The following UBE2E2 variants were observed in gnomAD, a reference collection of about 807,000 sequenced individuals.
UBE2E2 encodes the protein ubiquitin-conjugating enzyme E2 E2.
UBE2E2 carries 6 observed loss-of-function variants against 24.7 expected under a neutral mutation model. The ratio of observed to expected loss-of-function variants is 0.24; its 90% CI spans 0.13 to 0.48. The LOEUF (loss-of-function observed/expected upper bound fraction) is 0.48, where lower values mean the gene tolerates loss of function less well. Ranked by LOEUF, UBE2E2 falls within the 20% of genes least tolerant of loss-of-function variation. The pLI, the probability that UBE2E2 is intolerant of heterozygous loss-of-function variation, is 0.99. For missense variants in UBE2E2, 169 were observed against 245.0 expected (o/e 0.69, Z 2.07); for synonymous variants, 104 against 83.6 (o/e 1.24, Z -1.33).
chr3:23,421,186 CTG>C (rs1575618105), intron 3 of UBE2E2, among the ~76,000 whole-genome samples: 1 of 152,170 alleles, frequency 6.6e-6, no homozygotes, highest in East Asian at 1.9e-4. Context: ...ATCTGAGAAT[CTG>C]TAATTGAATT....
At chr3:23,203,904 C>T (rs1489340588) in intron 1 of UBE2E2, among the ~76,000 whole-genome samples, 1 of 152,106 alleles carries the variant, frequency 6.6e-6, no homozygotes, top group Non-Finnish European at 1.5e-5. Context: ...TGGTGTGTCT[C>T]CTGGCGAGTG....
intron 4 of UBE2E2, among the ~76,000 whole-genome samples, chr3:23,523,617 G>C (rs74415038): frequency 6.6e-6 from 1 of 150,788 alleles, no homozygotes; most frequent in Non-Finnish European, 1.5e-5. Flanking sequence ...CCTATGGGGT[G>C]GGGGGCTGGG....
At position 23,536,771 on chromosome 3, in the gene UBE2E2, T is replaced by C. The variant is rs1041952120; in HGVS notation, c.508+4070T>C. ...AGATACTGAGATTGACCATTATAAC[T>C]GTTGAATCTGAGTGATGAGTATACA... On this transcript the variant is annotated intron_variant, in intron 5 of 5. Coordinates refer to ENST00000396703, the MANE Select transcript of UBE2E2 (RefSeq NM_152653.4). 3.3e-5 allele frequency among the ~76,000 whole-genome samples: 5 copies of C among 152,352 alleles called. No homozygotes were observed. In the South Asian group the frequency reaches 1.0e-3, roughly 32 times the overall value.
intron 3 of UBE2E2, among the ~76,000 whole-genome samples, chr3:23,352,687 G>A (rs904942325): frequency 2.6e-5 from 4 of 152,146 alleles, no homozygotes; most frequent in African/African-American, 7.2e-5. Context: ...AAACCAGGAA[G>A]AAGTTGAATC....
chr3:23,228,399 T>C (rs1351544515), intron 3 of UBE2E2, among the ~76,000 whole-genome samples: 1 of 152,188 alleles, frequency 6.6e-6, no homozygotes, highest in African/African-American at 2.4e-5. Flanking sequence ...TATTTCAGAT[T>C]TATTAACTAA....
intron 3 of UBE2E2, among the ~76,000 whole-genome samples, chr3:23,326,431 C>G (rs1279841825): frequency 1.3e-5 from 2 of 152,110 alleles, no homozygotes; most frequent in African/African-American, 4.8e-5. Context: ...CAAGATTTTT[C>G]AAAACATTTT....
At chr3:23,509,606 C>G (rs1048857899) in intron 4 of UBE2E2, among the ~76,000 whole-genome samples, 1 of 151,582 alleles carries the variant, frequency 6.6e-6, no homozygotes, top group Non-Finnish European at 1.5e-5. Context: ...ACTTGAAGTT[C>G]TAGGGTACAT....
intron 3 of UBE2E2, among the ~76,000 whole-genome samples, chr3:23,291,645 C>A (rs1698766959): frequency 6.7e-6 from 1 of 148,252 alleles, no homozygotes; most frequent in African/African-American, 2.5e-5. Flanking sequence ...ACAATGTAAT[C>A]AGGTTTTTGT....
intron 3 of UBE2E2, among the ~76,000 whole-genome samples, chr3:23,253,927 G>C (rs896151837): frequency 5.9e-5 from 9 of 152,040 alleles, no homozygotes; most frequent in Non-Finnish European, 2.9e-5. Flanking sequence ...TCTTTCTTCT[G>C]ACCTCTCTCA....
chr3:23,483,465 A>G (rs889826976), intron 3 of UBE2E2, among the ~76,000 whole-genome samples: 3 of 152,236 alleles, frequency 2.0e-5, no homozygotes, highest in Admixed American at 6.5e-5. Flanking sequence ...TTTTTTACAG[A>G]TAAGAGAACT....
chr3:23,486,662 A>G (rs1699379459), intron 3 of UBE2E2, among the ~76,000 whole-genome samples: 2 of 152,138 alleles, frequency 1.3e-5, no homozygotes, highest in African/African-American at 4.8e-5. Context: ...GACAGAGAGA[A>G]GCTTTATTGA....
intron 3 of UBE2E2, among the ~76,000 whole-genome samples, chr3:23,283,477 G>C (rs1036946524): frequency 6.6e-6 from 1 of 152,160 alleles, no homozygotes; most frequent in Non-Finnish European, 1.5e-5. Flanking sequence ...GTTCACGCCT[G>C]TAATCCCAGC....
chr3:23,591,804 A>C (rs1412961399), downstream of UBE2E2: 3 of 152,348 alleles, frequency 2.0e-5, no homozygotes, highest in East Asian at 3.9e-4. Flanking sequence ...ATTTTTGGAA[A>C]GTTGCTCAGA....
At chr3:23,480,975 T>A (rs942479781) in intron 3 of UBE2E2, among the ~76,000 whole-genome samples, 1 of 152,230 alleles carries the variant, frequency 6.6e-6, no homozygotes, top group Non-Finnish European at 1.5e-5. Flanking sequence ...AGATTTATTG[T>A]TTCCAATGAT....
chr3:23,352,388 C>A (rs1275368629), intron 3 of UBE2E2, among the ~76,000 whole-genome samples: 3 of 151,972 alleles, frequency 2.0e-5, no homozygotes, highest in Non-Finnish European at 2.9e-5. Context: ...AAAATCAGAG[C>A]AGAACTGAAG....
intron 3 of UBE2E2, among the ~76,000 whole-genome samples, chr3:23,360,526 T>A (rs990223596): frequency 6.6e-6 from 1 of 152,174 alleles, no homozygotes; most frequent in Non-Finnish European, 1.5e-5. Flanking sequence ...TCAAAATATT[T>A]CTGGAGAGCA....
intron 4 of UBE2E2, among the ~76,000 whole-genome samples, chr3:23,519,876 G>A (rs1212762808): frequency 6.6e-6 from 1 of 151,760 alleles, no homozygotes; most frequent in African/African-American, 2.4e-5. Flanking sequence ...TAGAGACGGA[G>A]TTTTACCATG....
intron 3 of UBE2E2, among the ~76,000 whole-genome samples, chr3:23,413,143 A>G (rs1697534977): frequency 6.6e-6 from 1 of 151,998 alleles, no homozygotes; most frequent in South Asian, 2.1e-4. Flanking sequence ...ACATGTATAC[A>G]TATGTAACAA....
intron 4 of UBE2E2, among the ~76,000 whole-genome samples, chr3:23,511,852 A>G (rs1475204537): frequency 6.6e-6 from 1 of 152,212 alleles, no homozygotes; most frequent in African/African-American, 2.4e-5. Flanking sequence ...AATAAATTAT[A>G]TAAATTAATT....
Sources: allele counts gnomAD v4.1 joint callset (sites outside exome capture counted in the v4.1 genomes callset), GRCh38; gene constraint gnomAD v4.1.1; transcripts MANE v1.5; gene names NCBI Gene and HGNC (gene_info 2026-07-23, HGNC 2026-07-21).